NSG1: variants seen among roughly 807,000 people sequenced by gnomAD.
NSG1 encodes the protein neuronal vesicle trafficking associated 1.
A neutral mutation model predicts 19.3 loss-of-function variants in NSG1; 9 were observed. The ratio of observed to expected loss-of-function variants is 0.47; its 90% confidence interval spans 0.28 to 0.81. The LOEUF (loss-of-function observed/expected upper bound fraction) is 0.81. Ranked by LOEUF, NSG1 falls within the 40% of genes least tolerant of loss-of-function variation. The probability of loss-of-function intolerance (pLI) is 0.11; values close to 1 mark genes in which losing one functional copy is unlikely to be tolerated. For missense variants in NSG1, 236 were observed against 242.4 expected (o/e 0.97, Z 0.18); for synonymous variants, 104 against 107.0 (o/e 0.97, Z 0.17).
intron 2 of NSG1, 67 bp downstream of exon 2, chr4:4,387,825 CA>C: frequency 1.5e-6 from 2 of 1,357,590 alleles, no homozygotes; most frequent in Non-Finnish European, 2.1e-6. Flanking sequence ...GCGGGCGCAA[CA>C]AAAGAAACGC....
At chr4:4,414,983 CAT>C (rs936843148) in intron 4 of NSG1, among the ~76,000 whole-genome samples, 4 of 152,154 alleles carry the variant, frequency 2.6e-5, no homozygotes, top group Admixed American at 6.5e-5. Flanking sequence ...GAAATTACTA[CAT>C]GTTTTATAAA....
At chr4:4,400,013 G>T (rs1723465127) in intron 3 of NSG1, among the ~76,000 whole-genome samples, 1 of 152,226 alleles carries the variant, frequency 6.6e-6, no homozygotes, top group Admixed American at 6.5e-5. Context: ...CTGGTCTGCA[G>T]CCCAGGGGTT....
chr4:4,404,473 C>T (rs1301321908), intron 3 of NSG1, among the ~76,000 whole-genome samples: 8 of 152,128 alleles, frequency 5.3e-5, no homozygotes, highest in Non-Finnish European at 1.0e-4. Flanking sequence ...TGCGTGTGGC[C>T]GAGCAGGCCA....
chr4:4,414,031 G>T (rs73793278), intron 4 of NSG1, among the ~76,000 whole-genome samples: 2,057 of 152,190 alleles, frequency 0.014, 48 homozygotes, highest in African/African-American at 0.047. Context: ...CTGGGGGCCG[G>T]AAGTCCCCAC....
chr4:4,387,561 C>CGGGGGTGGGTGTGGGG, intron 1 of NSG1, 43 bp from the exon 2 acceptor site: 1 of 1,141,990 alleles, frequency 8.8e-7, no homozygotes, highest in Non-Finnish European at 1.2e-6. Context: ...CGCCCCGCCC[C>CGGGGGTGGGTGTGGGG]GGGTCTTGCT....
chr4:4,392,985 G>C (rs1723077245), intron 3 of NSG1, among the ~76,000 whole-genome samples: 1 of 152,142 alleles, frequency 6.6e-6, no homozygotes, highest in African/African-American at 2.4e-5. Context: ...GTCAATACCT[G>C]TCTTCTGCGC....
Position 4,404,473 on chromosome 4 carries a change from CGA to C in NSG1, c.247-5098_247-5097del, listed in dbSNP as rs530287437. Among the ~76,000 whole-genome samples, 97 of 152,246 alleles carry C rather than the reference CGA, an allele frequency of 6.4e-4. 1 individual carries two copies. Among genetic ancestry groups the C allele is most frequent in the African/African-American group, 2.3e-3 (96 of 41,490 alleles). On this transcript the variant is annotated intron_variant, in intron 3 of 4. Coordinates refer to ENST00000621129, the MANE Select transcript of NSG1 (RefSeq NM_014392.5). ...CCTTTGCAGGGTCACTGCGTGTGGC[CGA>C]GCAGGCCAGGAACCCGGGCTTATCT...
chr4:4,396,094 A>G (rs911282611), intron 3 of NSG1, among the ~76,000 whole-genome samples: 15 of 152,202 alleles, frequency 9.9e-5, no homozygotes, highest in Non-Finnish European at 2.2e-4. Flanking sequence ...TTGTCAAGGA[A>G]AGCAGTCGCT....
At chr4:4,388,852 C>A (rs899062966) in intron 2 of NSG1, among the ~76,000 whole-genome samples, 1 of 152,064 alleles carries the variant, frequency 6.6e-6, no homozygotes, top group Non-Finnish European at 1.5e-5. Context: ...AGGCTGGCAG[C>A]GGGGGTTTCA....
At chr4:4,415,860 G>A in intron 4 of NSG1, 1 of 517,206 alleles carries the variant, frequency 1.9e-6, no homozygotes, top group Non-Finnish European at 3.5e-6. Context: ...GAAGGGGCGT[G>A]GCGGTGAGGC....
intron 3 of NSG1, 63 bp from the exon 4 acceptor site, chr4:4,409,508 CGG>C (rs1222543936): frequency 1.4e-5 from 16 of 1,183,862 alleles, no homozygotes; most frequent in Non-Finnish European, 2.0e-5. Flanking sequence ...CCTTCGTGTG[CGG>C]GTGTGTGTGT....
chr4:4,408,135 G>A (rs952687417), intron 3 of NSG1, among the ~76,000 whole-genome samples: 1 of 152,138 alleles, frequency 6.6e-6, no homozygotes, highest in Non-Finnish European at 1.5e-5. Context: ...TTCCTGAAGC[G>A]GGCAGGGCTC....
rs866217208 is a variant in NSG1, at chr4:4,406,165, T to C, written c.247-3408T>C. On this transcript the variant is annotated intron_variant, in intron 3 of 4. Coordinates refer to ENST00000621129, the MANE Select transcript of NSG1 (RefSeq NM_014392.5). The stretch of plus-strand genomic sequence containing the variant: ...GCCTCAGCCTCCTGAGTAGCTGGGA[T>C]TACAGGCACTCACCACCACGCCCGG... Among the ~76,000 whole-genome samples the C allele has an allele frequency of 5.9e-5, 9 of 152,240 alleles. No individual in the cohort carries two copies. The East Asian group carries it at 1.5e-3, about 26-fold the overall frequency.
chr4:4,390,723 C>T (rs1041037856), intron 2 of NSG1, among the ~76,000 whole-genome samples: 5 of 152,280 alleles, frequency 3.3e-5, no homozygotes, highest in African/African-American at 4.8e-5. Flanking sequence ...TCCCTGGCAA[C>T]GGGTGTGGTG....
At chr4:4,410,405 G>A (rs781706410) in intron 4 of NSG1, among the ~76,000 whole-genome samples, 3 of 152,330 alleles carry the variant, frequency 2.0e-5, no homozygotes, top group African/African-American at 4.8e-5. Context: ...CCTGAGAAAC[G>A]CGTTGTTAGG....
chr4:4,401,337 G>T (rs929720025), intron 3 of NSG1, among the ~76,000 whole-genome samples: 3 of 152,152 alleles, frequency 2.0e-5, no homozygotes, highest in African/African-American at 7.2e-5. Flanking sequence ...AAACACCCGG[G>T]ACCTGTCTGC....
At chr4:4,408,218 C>A (rs1187155416) in intron 3 of NSG1, among the ~76,000 whole-genome samples, 10 of 152,122 alleles carry the variant, frequency 6.6e-5, no homozygotes, top group African/African-American at 1.9e-4. Flanking sequence ...GCAGAGCTCC[C>A]CAGTTCTTTA....
At chr4:4,404,474 G>C (rs530082955) in intron 3 of NSG1, among the ~76,000 whole-genome samples, 1 of 152,024 alleles carries the variant, frequency 6.6e-6, no homozygotes, top group South Asian at 2.1e-4. Flanking sequence ...GCGTGTGGCC[G>C]AGCAGGCCAG....
intron 3 of NSG1, among the ~76,000 whole-genome samples, chr4:4,406,455 C>T (rs533622068): frequency 2.6e-5 from 4 of 152,342 alleles, no homozygotes; most frequent in African/African-American, 7.2e-5. Context: ...GAACCAAGTC[C>T]TTCTGGACCA....
Sources: allele counts gnomAD v4.1 joint callset (sites outside exome capture counted in the v4.1 genomes callset), GRCh38; gene constraint gnomAD v4.1.1; transcripts MANE v1.5; gene names NCBI Gene and HGNC (gene_info 2026-07-23, HGNC 2026-07-21).